CELF5: variants seen among roughly 807,000 people sequenced by gnomAD.
CELF5 encodes the protein CUGBP Elav-like family member 5, also known as CUG-BP and ETR-3 like factor 5.
A neutral mutation model predicts 54.9 loss-of-function variants in CELF5; 6 were observed. The observed-to-expected ratio is 0.11, with a 90% CI of 0.06 to 0.22. The LOEUF is 0.22. Among genes scored for constraint, CELF5 ranks in the 10% least tolerant of loss-of-function variants. CELF5 has a pLI of 1.00. For synonymous variants in CELF5, 271 were observed against 290.9 expected, an observed-to-expected ratio of 0.93 and a Z score of 0.70; for missense variants, 401 against 678.6, an observed-to-expected ratio of 0.59 and a Z score of 4.54.
intron 2 of CELF5, among the ~76,000 whole-genome samples, chr19:3,261,354 G>T (rs893607546): frequency 6.6e-6 from 1 of 151,782 alleles, no homozygotes; most frequent in South Asian, 2.1e-4. Flanking sequence ...GGAGGTGAAG[G>T]TTGCAGTGAG....
intron 9 of CELF5, among the ~76,000 whole-genome samples, chr19:3,285,246 G>C (rs936530553): frequency 2.6e-5 from 4 of 151,988 alleles, no homozygotes; most frequent in African/African-American, 4.8e-5. Context: ...TTCTGTGTTG[G>C]GGAGAGGGAA....
At chr19:3,262,903 C>T (rs1269101578) in intron 2 of CELF5, among the ~76,000 whole-genome samples, 1 of 151,890 alleles carries the variant, frequency 6.6e-6, no homozygotes, top group African/African-American at 2.4e-5. Context: ...CACGCCATTG[C>T]ACTCCAGACT....
chr19:3,284,852 G>A (rs2080208776), intron 8 of CELF5, 50 bp from the exon 9 acceptor site: 6 of 1,542,884 alleles, frequency 3.9e-6, no homozygotes, highest in Non-Finnish European at 4.5e-6. Context: ...GGGGGTGGAT[G>A]GAAGACTTCT....
intron 10 of CELF5, 89 bp downstream of exon 10, chr19:3,286,114 G>T (rs2080244647): frequency 1.7e-6 from 2 of 1,166,614 alleles, no homozygotes; most frequent in Admixed American, 6.7e-5. Context: ...CCGGGCCTCT[G>T]GGACCCGCGG....
intron 11 of CELF5, among the ~76,000 whole-genome samples, chr19:3,291,269 C>CA (rs555052513): frequency 9.8e-4 from 148 of 151,164 alleles, no homozygotes; most frequent in African/African-American, 3.4e-3. Flanking sequence ...CTGTCTCATA[C>CA]AAAAAAACAA....
chr19:3,226,109 C>T (rs1916893080), intron 1 of CELF5, among the ~76,000 whole-genome samples: 1 of 151,346 alleles, frequency 6.6e-6, no homozygotes, highest in African/African-American at 2.4e-5. Context: ...CTTCAAAGGC[C>T]TTGTGCTGGA....
In CELF5 at chr19:3,278,445, G is replaced by C. The variant is rs1221835088; in HGVS notation, c.603+335G>C. On this transcript the variant is annotated intron_variant, in intron 5 of 12. Transcript: ENST00000292672. This position sits in a 1 kb window ranked among gnomAD's most constrained non-coding sequence, Gnocchi z 4.5. ...CATGTGTGTGTGTGAGTGCGTGTTT[G>C]AGTGTGTCATTACTAGTAGGCGAGT... 1.3e-5 allele frequency among the ~76,000 whole-genome samples: 2 copies of C among 152,028 alleles called. No individual in the cohort carries two copies. Among genetic ancestry groups the C allele is most frequent in the Non-Finnish European group, 2.9e-5 (2 of 67,994 alleles).
intron 4 of CELF5, among the ~76,000 whole-genome samples, chr19:3,276,342 A>G (rs1484115955): frequency 1.6e-5 from 2 of 128,268 alleles, no homozygotes; most frequent in African/African-American, 6.1e-5. Flanking sequence ...GCTGGCTCTG[A>G]GGATGTAGCC....
intron 9 of CELF5, 83 bp from the exon 10 acceptor site, chr19:3,285,859 C>A: frequency 1.1e-6 from 1 of 917,906 alleles, no homozygotes; most frequent in Non-Finnish European, 1.5e-6. Flanking sequence ...CTTATGGCCC[C>A]GCCCCCTCCC....
chr19:3,242,457 G>A (rs1460766359), intron 1 of CELF5, among the ~76,000 whole-genome samples: 2 of 151,746 alleles, frequency 1.3e-5, no homozygotes, highest in African/African-American at 2.4e-5. Flanking sequence ...GATCACTTGA[G>A]GTCAGCAGTT....
At chr19:3,276,028 T>C (rs1599460343) in intron 4 of CELF5, 44 bp downstream of exon 4, 1 of 1,062,028 alleles carries the variant, frequency 9.4e-7, no homozygotes, top group Non-Finnish European at 1.2e-6. Flanking sequence ...GGGGCCGGGC[T>C]AGCTCTGGGG....
chr19:3,254,481 C>A (rs1020558179), intron 2 of CELF5, among the ~76,000 whole-genome samples: 26 of 150,962 alleles, frequency 1.7e-4, no homozygotes, highest in African/African-American at 5.9e-4. Flanking sequence ...ATCCACCCAC[C>A]CATCTATCCA....
chr19:3,284,967 A>G lies in CELF5; in HGVS notation c.1102+3A>G. Reference sequence around the variant, plus strand: ...CTCCGGAGTCCAGCAGTACACAGGTAGGAGGCAGCCCGCGTGCCCGCGCTG... The same window carrying G: ...CTCCGGAGTCCAGCAGTACACAGGTGGGAGGCAGCCCGCGTGCCCGCGCTG... On this transcript the variant is annotated splice_donor_region_variant and intron_variant, in intron 9 of 12. Transcript: ENST00000292672. The G allele has an allele frequency of 6.2e-7, 1 of 1,605,278 alleles. No individual in the cohort carries two copies. Among genetic ancestry groups the G allele is most frequent in the Non-Finnish European group, 8.5e-7 (1 of 1,174,810 alleles).
rs746688802 is a variant in CELF5 at position 3,282,912 on chromosome 19, C to A, written c.1039+414C>A. 5.9e-5 allele frequency among the ~76,000 whole-genome samples: 9 copies of A among 152,314 alleles called. No individual in the cohort carries two copies. Among genetic ancestry groups the A allele is most frequent in the South Asian group, 4.1e-4 (2 of 4,828 alleles). On this transcript the variant is annotated intron_variant, in intron 8 of 12. Coordinates refer to ENST00000292672, the MANE Select transcript of CELF5 (RefSeq NM_021938.4). The surrounding 1 kb of genome is among the most constrained non-coding windows in gnomAD (Gnocchi z 5.2). ...GTGGCACAATCTTGGCTGACTGTAA[C>A]CTCCGCTTCCCAGGTTCAAGTGATT...
At chr19:3,271,184 A>C (rs1350276822) in intron 2 of CELF5, among the ~76,000 whole-genome samples, 1 of 3,618 alleles carries the variant, frequency 2.8e-4, no homozygotes, top group Non-Finnish European at 5.3e-4. Flanking sequence ...GGGCCAACGG[A>C]GGTGGGGTGG....
intron 1 of CELF5, among the ~76,000 whole-genome samples, chr19:3,245,326 C>G (rs771940757): frequency 1.5e-5 from 2 of 134,472 alleles, no homozygotes; most frequent in Non-Finnish European, 3.2e-5. Context: ...GTGTATGCAT[C>G]TGTGTGTGTG....
At chr19:3,259,647 C>T (rs538471328) in intron 2 of CELF5, among the ~76,000 whole-genome samples, 1 of 152,146 alleles carries the variant, frequency 6.6e-6, no homozygotes, top group East Asian at 1.9e-4. Context: ...AGCAGGGAAG[C>T]GGGTCATGGG....
In CELF5 at chr19:3,228,230, A is replaced by C. The variant is rs1917037620; in HGVS notation, c.259+3232A>C. Among the ~76,000 whole-genome samples the C allele has an allele frequency of 6.6e-6, 1 of 151,990 alleles. No individual in the cohort carries two copies. Among genetic ancestry groups the C allele is most frequent in the African/African-American group, 2.4e-5 (1 of 41,352 alleles). ...AACACAGACAGGGAGGGGGCTGCAG[A>C]GAGATGCAGGCCCACAGGAAGACCA... is the stretch of plus-strand genomic sequence containing the variant. On this transcript the variant is annotated intron_variant, in intron 1 of 12. Transcript: ENST00000292672. This position sits in a 1 kb window ranked among gnomAD's most constrained non-coding sequence, Gnocchi z 6.0.
rs149983440 is a variant in CELF5 at position 3,233,098 on chromosome 19, A to AAAATAAATAAAT, written c.259+8119_259+8130dup. Among the ~76,000 whole-genome samples the AAAATAAATAAAT allele has an allele frequency of 2.6e-3, 385 of 149,784 alleles. 3 individuals carry two copies. The highest frequency in any genetic ancestry group is 8.8e-3 in the African/African-American group (359 of 40,912). On this transcript the variant is annotated intron_variant, in intron 1 of 12. Transcript: ENST00000292672. ...TCAAAAAAAATAAAAATTAAAATTAAAAATAAATAAATAAATAAATAAATA... is the reference window on the plus strand; with the variant it reads ...TCAAAAAAAATAAAAATTAAAATTAAAAATAAATAAATAAATAAATAAATAAATAAATAAATA...
Sources: allele counts gnomAD v4.1 joint callset (sites outside exome capture counted in the v4.1 genomes callset), GRCh38; gene constraint gnomAD v4.1.1; non-coding constraint Gnocchi (gnomAD v3.1); transcripts MANE v1.5; gene names NCBI Gene and HGNC (gene_info 2026-07-23, HGNC 2026-07-21).